PIK3C3: variants seen among roughly 807,000 people sequenced by gnomAD.
PIK3C3 encodes the protein phosphatidylinositol 3-kinase catalytic subunit type 3.
In PIK3C3, 95 loss-of-function variants were observed where a neutral mutation model predicts 126.1. That is an observed-to-expected ratio of 0.75 (90% CI 0.64 to 0.89). The LOEUF (loss-of-function observed/expected upper bound fraction) is 0.89, where lower values mean the gene tolerates loss of function less well. Ranked by LOEUF, PIK3C3 falls within the 40% of genes least tolerant of loss-of-function variation. PIK3C3 has a pLI of 0.00. For missense variants in PIK3C3, 829 were observed against 1,063.2 expected (o/e 0.78, Z 3.06); for synonymous variants, 374 against 360.0 (o/e 1.04, Z -0.44).
chr18:41,981,786 C>T (rs901951278), intron 4 of PIK3C3, among the ~76,000 whole-genome samples: 20 of 150,496 alleles, frequency 1.3e-4, no homozygotes, highest in Non-Finnish European at 2.1e-4. Flanking sequence ...ATGGTGAAAC[C>T]CCTTCTGTAC....
At chr18:41,997,788 C>T (rs1186318751) in intron 9 of PIK3C3, among the ~76,000 whole-genome samples, 1 of 152,108 alleles carries the variant, frequency 6.6e-6, no homozygotes, top group Non-Finnish European at 1.5e-5. Flanking sequence ...CTTATACATG[C>T]TGCCTCTTGA....
chr18:41,970,289 T>G (rs745987502), intron 3 of PIK3C3, 38 bp from the exon 4 acceptor site: 16 of 1,589,862 alleles, frequency 1.0e-5, no homozygotes, highest in Middle Eastern at 1.7e-4. Context: ...TGAACTGTAT[T>G]AATTTACTTC....
intron 13 of PIK3C3, among the ~76,000 whole-genome samples, chr18:42,021,154 ACT>A (rs1393712229): frequency 3.9e-5 from 6 of 152,012 alleles, no homozygotes; most frequent in Admixed American, 6.6e-5. Flanking sequence ...AACTTGATAG[ACT>A]CTGATCTAGG....
intron 5 of PIK3C3, among the ~76,000 whole-genome samples, chr18:41,990,031 T>G (rs1336642419): frequency 6.6e-6 from 1 of 152,192 alleles, no homozygotes; most frequent in East Asian, 1.9e-4. Context: ...TTTCTTCCTT[T>G]TGATTTTTGT....
intron 21 of PIK3C3, among the ~76,000 whole-genome samples, chr18:42,052,406 A>G (rs1598934977): frequency 6.6e-6 from 1 of 152,154 alleles, no homozygotes; most frequent in Non-Finnish European, 1.5e-5. Flanking sequence ...TTTTTTTCCT[A>G]TTAAAACAGC....
intron 13 of PIK3C3, chr18:42,025,825 A>G (rs1236353225): frequency 6.6e-6 from 1 of 152,230 alleles, no homozygotes; most frequent in African/African-American, 2.4e-5. Flanking sequence ...ATGAGATAGT[A>G]GCTAAATCCA....
intron 20 of PIK3C3, among the ~76,000 whole-genome samples, chr18:42,046,586 T>C (rs1984569288): frequency 6.6e-6 from 1 of 152,172 alleles, no homozygotes; most frequent in Admixed American, 6.5e-5. Flanking sequence ...TGACAAGATT[T>C]TCTTGGACAG....
chr18:42,070,188 C>T (rs1056236130), intron 24 of PIK3C3, among the ~76,000 whole-genome samples: 16 of 152,160 alleles, frequency 1.1e-4, no homozygotes, highest in African/African-American at 3.4e-4. Context: ...TGAAGGCAGA[C>T]GTGGCAGTCC....
chr18:42,031,335 T>C (rs1983815665), intron 15 of PIK3C3, among the ~76,000 whole-genome samples: 2 of 152,232 alleles, frequency 1.3e-5, no homozygotes, highest in African/African-American at 4.8e-5. Flanking sequence ...TGTTGTCTTC[T>C]TTCCTTCGTT....
intron 16 of PIK3C3, among the ~76,000 whole-genome samples, chr18:42,035,232 C>T (rs1191570076): frequency 6.6e-6 from 1 of 152,058 alleles, no homozygotes; most frequent in African/African-American, 2.4e-5. Flanking sequence ...AGGTAATATA[C>T]ATATAACAAC....
Position 42,020,640 on chromosome 18 carries a change from A to G in PIK3C3, c.1419A>G (p.Gln473=), listed in dbSNP as rs1169050260. The G allele has an allele frequency of 3.1e-6, 5 of 1,592,658 alleles. No homozygotes were observed. Among genetic ancestry groups the G allele is most frequent in the Middle Eastern group, 3.4e-4 (2 of 5,952 alleles). Residue 473 remains glutamine (Q), a splice_region_variant and synonymous_variant, in exon 13 of 25, where the codon CAA becomes CAG. Coordinates refer to ENST00000262039, the MANE Select transcript of PIK3C3 (RefSeq NM_002647.4). ...TACATTTCTTTTAATTCTTTCAGCA[A>G]GATCTCTGTACCTTCTTGATATCGA... ...KEVPDGENLE[Q]DLCTFLISRA...
At position 42,028,254 on chromosome 18, in the gene PIK3C3, C is replaced by G. The variant is rs544600676; in HGVS notation, c.1590+706C>G. On this transcript the variant is annotated intron_variant, in intron 14 of 24. Coordinates refer to ENST00000262039, the MANE Select transcript of PIK3C3 (RefSeq NM_002647.4). ...AAAAAAAGCTTTGCTTTTTTATTTT[C>G]CTTTCTATTGTGTATCTTTCTTATC... is the stretch of plus-strand genomic sequence containing the variant. 2.6e-5 allele frequency among the ~76,000 whole-genome samples: 4 copies of G among 152,186 alleles called. No homozygotes were observed. In the East Asian group the frequency reaches 7.7e-4, roughly 29 times the overall value.
At chr18:42,047,418 G>C (rs1193566368) in intron 20 of PIK3C3, among the ~76,000 whole-genome samples, 1 of 152,048 alleles carries the variant, frequency 6.6e-6, no homozygotes, top group Non-Finnish European at 1.5e-5. Flanking sequence ...TTCTCTTTAG[G>C]AATATCAAAT....
Position 41,991,372 on chromosome 18 carries a change from T to TA in PIK3C3, c.714+827dup, listed in dbSNP as rs1019714099. Reference sequence around the variant, plus strand: ...ACTCCATCTTTATTTAAAATAAATATAAAAAAAAATGTATGCATAGTTTGA... The same window carrying TA: ...ACTCCATCTTTATTTAAAATAAATATAAAAAAAAAATGTATGCATAGTTTGA... On this transcript the variant is annotated intron_variant, in intron 6 of 24. Transcript: ENST00000262039. Among the ~76,000 whole-genome samples the TA allele has an allele frequency of 6.6e-5, 10 of 151,268 alleles. 1 individual carries two copies. Among genetic ancestry groups the TA allele is most frequent in the East Asian group, 3.9e-4 (2 of 5,162 alleles).
intron 2 of PIK3C3, among the ~76,000 whole-genome samples, chr18:41,961,927 A>G (rs777871115): frequency 6.6e-6 from 1 of 152,192 alleles, no homozygotes; most frequent in African/African-American, 2.4e-5. Flanking sequence ...GCTTAATGTT[A>G]TCAGTATTAA....
rs1018940082 is a variant in PIK3C3 at position 42,043,601 on chromosome 18, A to G, written c.2104-132A>G. ...TCGCACTCTTACAATTCTTTTGTTC[A>G]GTCAGCATCTCTCATACTGTATTTT... On this transcript the variant is annotated intron_variant, in intron 19 of 24. Coordinates refer to ENST00000262039, the MANE Select transcript of PIK3C3 (RefSeq NM_002647.4). 7.3e-6 allele frequency: 4 copies of G among 551,254 alleles called. No homozygotes were observed. In the African/African-American group the frequency reaches 7.7e-5, roughly 11 times the overall value. 34.1% of individuals were successfully genotyped at this position (551,254 alleles called of 1,614,324 possible).
intron 19 of PIK3C3, among the ~76,000 whole-genome samples, chr18:42,041,326 C>A (rs1984308165): frequency 6.6e-6 from 1 of 151,962 alleles, no homozygotes; most frequent in Non-Finnish European, 1.5e-5. Context: ...CACTTTATTT[C>A]CAGTTTTTGT....
chr18:42,067,240 C>A, intron 23 of PIK3C3, 148 bp from the exon 24 acceptor site: 2 of 662,764 alleles, frequency 3.0e-6, no homozygotes, highest in Non-Finnish European at 5.1e-6. Context: ...CCAAAGAATG[C>A]CATTCAGAAT....
intron 4 of PIK3C3, among the ~76,000 whole-genome samples, chr18:41,978,054 C>T (rs1014918560): frequency 1.8e-4 from 27 of 152,124 alleles, no homozygotes; most frequent in Non-Finnish European, 3.2e-4. Flanking sequence ...CTCAGTCTCC[C>T]GGACTCAAGT....
Sources: gnomAD v4.1 joint callset for allele counts (sites outside exome capture counted in the v4.1 genomes callset) on GRCh38, gnomAD v4.1.1 for gene constraint, MANE v1.5 for transcripts, NCBI Gene and HGNC (gene_info 2026-07-23, HGNC 2026-07-21) for gene names.